Variants in UGGT2 observed in about 807,000 individuals in gnomAD.
The protein encoded by UGGT2 is UDP-glucose:glycoprotein glucosyltransferase 2.
A neutral mutation model predicts 192.1 loss-of-function variants in UGGT2; 180 were observed. The ratio of observed to expected loss-of-function variants is 0.94; its 90% CI spans 0.83 to 1.06. UGGT2 has a LOEUF of 1.06. Among genes scored for constraint, UGGT2 ranks in the 50% least tolerant of loss-of-function variants. The probability of loss-of-function intolerance (pLI) is 0.00; values close to 1 mark genes in which losing one functional copy is unlikely to be tolerated. For missense variants in UGGT2, 1,849 were observed against 1,795.7 expected (o/e 1.03, Z -0.54); for synonymous variants, 580 against 591.0 (o/e 0.98, Z 0.27).
At chr13:95,927,367 A>C in intron 17 of UGGT2, 31 bp from the exon 18 acceptor site, 1 of 1,561,836 alleles carries the variant, frequency 6.4e-7, no homozygotes. Context: ...TTTAGATAAT[A>C]CAGGCAATTT....
At chr13:96,005,835 A>AT (rs1327660786) in intron 5 of UGGT2, among the ~76,000 whole-genome samples, 4 of 152,186 alleles carry the variant, frequency 2.6e-5, no homozygotes, top group Non-Finnish European at 5.9e-5. Flanking sequence ...TAAGAAACAC[A>AT]TTGTCTTTGG....
At chr13:95,886,748 A>G (rs2047656912) in intron 26 of UGGT2, among the ~76,000 whole-genome samples, 1 of 152,164 alleles carries the variant, frequency 6.6e-6, no homozygotes, top group South Asian at 2.1e-4. Flanking sequence ...CTTAGGTTTA[A>G]AATGCCTGCT....
At chr13:95,873,458 G>T (rs1240763755) in intron 29 of UGGT2, among the ~76,000 whole-genome samples, 1 of 152,184 alleles carries the variant, frequency 6.6e-6, no homozygotes, top group Non-Finnish European at 1.5e-5. Context: ...GGGTCCAGCT[G>T]GTAGCCAAAG....
At chr13:95,928,286 C>A (rs1468876575) in intron 17 of UGGT2, among the ~76,000 whole-genome samples, 1 of 150,972 alleles carries the variant, frequency 6.6e-6, no homozygotes, top group Non-Finnish European at 1.5e-5. Context: ...GGGCGGCTGG[C>A]CGGGCAGGGG....
At chr13:95,866,733 G>A (rs776561134) in intron 30 of UGGT2, among the ~76,000 whole-genome samples, 1 of 152,116 alleles carries the variant, frequency 6.6e-6, no homozygotes. Context: ...AGTTAAAAGT[G>A]TGACAGGACA....
At chr13:95,983,607 G>T in intron 10 of UGGT2, 197 bp downstream of exon 10, 2 of 645,942 alleles carry the variant, frequency 3.1e-6, no homozygotes, top group South Asian at 1.5e-5. Flanking sequence ...TGTGAAATAA[G>T]TAGAAGGTAT....
At chr13:95,907,713 G>A (rs539918484) in intron 20 of UGGT2, among the ~76,000 whole-genome samples, 1 of 151,810 alleles carries the variant, frequency 6.6e-6, no homozygotes, top group Admixed American at 6.6e-5. Context: ...TCAACAAAAA[G>A]GTCATCTACA....
At chr13:95,910,611 G>A (rs894548423) in intron 20 of UGGT2, among the ~76,000 whole-genome samples, 1 of 152,096 alleles carries the variant, frequency 6.6e-6, no homozygotes, top group Non-Finnish European at 1.5e-5. Context: ...GACCTACAAA[G>A]AGACTTAGAC....
intron 12 of UGGT2, among the ~76,000 whole-genome samples, chr13:95,955,195 AT>A (rs1165779762): frequency 3.3e-5 from 5 of 152,304 alleles, no homozygotes; most frequent in Middle Eastern, 6.8e-3. Flanking sequence ...CTATGTTCCT[AT>A]TTTTAATTAT....
intron 38 of UGGT2, among the ~76,000 whole-genome samples, chr13:95,805,112 A>T (rs2139725300): frequency 6.6e-6 from 1 of 152,240 alleles, no homozygotes; most frequent in South Asian, 2.1e-4. Context: ...TAACCTGATT[A>T]AAAAATGGAC....
intron 32 of UGGT2, 55 bp from the exon 33 acceptor site, chr13:95,859,730 A>G (rs1326501847): frequency 1.5e-6 from 2 of 1,299,330 alleles, no homozygotes; most frequent in Non-Finnish European, 2.1e-6. Flanking sequence ...GAGCTCATAT[A>G]TATTTTTTAA....
At chr13:95,972,975 A>G (rs1594478117) in intron 10 of UGGT2, among the ~76,000 whole-genome samples, 1 of 152,206 alleles carries the variant, frequency 6.6e-6, no homozygotes, top group African/African-American at 2.4e-5. Flanking sequence ...GTTCAAGACC[A>G]CCCTGACCAA....
intron 20 of UGGT2, among the ~76,000 whole-genome samples, chr13:95,914,093 G>A (rs942580459): frequency 1.3e-5 from 2 of 152,104 alleles, no homozygotes; most frequent in African/African-American, 4.8e-5. Context: ...ACCAGGGCCT[G>A]TTGAGGGATG....
rs571387688 is a variant in UGGT2 at position 95,990,266 on chromosome 13, T to A, written c.831-193A>T. The A allele has an allele frequency of 7.7e-4, 253 of 326,490 alleles. 1 individual carries two copies. Among genetic ancestry groups the A allele is most frequent in the African/African-American group, 4.8e-3 (227 of 46,806 alleles). 20.2% of individuals were successfully genotyped at this position (326,490 alleles called of 1,614,324 possible). ...AATGAGGAAGATATACAGGTCTCTT[T>A]TATTAAATATATGAAACAAAACAAA... is the stretch of plus-strand genomic sequence containing the variant. On this transcript the variant is annotated intron_variant, in intron 7 of 38. Transcript: ENST00000376747.
At chr13:95,833,512 C>T (rs1053806841) in intron 37 of UGGT2, among the ~76,000 whole-genome samples, 2 of 152,028 alleles carry the variant, frequency 1.3e-5, no homozygotes, top group Admixed American at 6.6e-5. Context: ...GGGTGTGTAG[C>T]TTAATTTATT....
intron 36 of UGGT2, among the ~76,000 whole-genome samples, chr13:95,846,910 A>G (rs944926019): frequency 6.6e-6 from 1 of 151,452 alleles, no homozygotes; most frequent in African/African-American, 2.4e-5. Flanking sequence ...GTCATGTCTC[A>G]CATTTCTATA....
intron 36 of UGGT2, among the ~76,000 whole-genome samples, chr13:95,844,731 G>A (rs538416311): frequency 3.3e-5 from 5 of 152,210 alleles, no homozygotes; most frequent in South Asian, 4.2e-4. Context: ...CCCCTTACCC[G>A]TCCAAGACAG....
intron 38 of UGGT2, among the ~76,000 whole-genome samples, chr13:95,821,286 C>G (rs1000671417): frequency 6.6e-6 from 1 of 152,094 alleles, no homozygotes; most frequent in Admixed American, 6.6e-5. Context: ...GCCATTCTTG[C>G]AGGAGTAAGG....
chr13:96,015,525 T>C (rs2139082582), intron 4 of UGGT2, among the ~76,000 whole-genome samples: 1 of 152,204 alleles, frequency 6.6e-6, no homozygotes, highest in Non-Finnish European at 1.5e-5. Context: ...ATATCATAGG[T>C]AGAAAAATTA....
Sources: allele counts gnomAD v4.1 joint callset (sites outside exome capture counted in the v4.1 genomes callset), GRCh38; gene constraint gnomAD v4.1.1; transcripts MANE v1.5; gene names NCBI Gene and HGNC (gene_info 2026-07-23, HGNC 2026-07-21).